The following LRRTM4 variants were observed in gnomAD, a reference collection of about 807,000 sequenced individuals.
The protein encoded by LRRTM4 is leucine-rich repeat transmembrane neuronal protein 4.
LRRTM4 carries 25 observed loss-of-function variants against 47.6 expected under a neutral mutation model. The observed-to-expected ratio is 0.53, with a 90% CI of 0.38 to 0.73. The LOEUF (loss-of-function observed/expected upper bound fraction) is 0.73. LRRTM4 is among the 30% of genes least tolerant of loss of function. The pLI, the probability that LRRTM4 is intolerant of heterozygous loss-of-function variation, is 0.00. For synonymous variants in LRRTM4, 311 were observed against 269.5 expected (o/e 1.15, Z -1.51); for missense variants, 638 against 713.4 (o/e 0.89, Z 1.20).
Position 77,019,845 on chromosome 2 carries a change from T to C in LRRTM4, c.1552-270929A>G, listed in dbSNP as rs1678204299. On this transcript the variant is annotated intron_variant, in intron 3 of 3. Transcript: ENST00000409884. ...AAACATGTAGCACTGGCTTTAGTACTGGGTAATGGGAAAAGGTTAGAAAAA... is the reference window on the plus strand; with the variant it reads ...AAACATGTAGCACTGGCTTTAGTACCGGGTAATGGGAAAAGGTTAGAAAAA... Among the ~76,000 whole-genome samples the C allele has an allele frequency of 1.3e-5, 2 of 152,048 alleles. 1 individual carries two copies. The highest frequency in any genetic ancestry group is 4.1e-4 in the South Asian group (2 of 4,826).
intron 3 of LRRTM4, among the ~76,000 whole-genome samples, chr2:77,085,511 A>T (rs967322418): frequency 1.3e-5 from 2 of 151,822 alleles, no homozygotes; most frequent in Non-Finnish European, 2.9e-5. Context: ...ATAGTTTCCT[A>T]TTCTCTTTAA....
At chr2:77,009,224 C>G (rs1677777965) in intron 3 of LRRTM4, 1 of 152,054 alleles carries the variant, frequency 6.6e-6, no homozygotes, top group African/African-American at 2.4e-5. Flanking sequence ...AATGTCAGAT[C>G]CAGTGAATTT....
At chr2:76,834,199 C>T (rs1311501371) in intron 3 of LRRTM4, among the ~76,000 whole-genome samples, 7 of 138,118 alleles carry the variant, frequency 5.1e-5, no homozygotes, top group Admixed American at 7.7e-5. Flanking sequence ...CGCCAGCATG[C>T]CAAGCTAATT....
chr2:77,145,270 A>G (rs935456186), intron 3 of LRRTM4, among the ~76,000 whole-genome samples: 1 of 151,640 alleles, frequency 6.6e-6, no homozygotes, highest in African/African-American at 2.4e-5. Context: ...ATATATACAC[A>G]TATACATAGA....
chr2:77,231,256 C>T lies in LRRTM4; in HGVS notation c.1551+287062G>A, dbSNP rs143802432. Among the ~76,000 whole-genome samples, 373 of 151,810 alleles carry T rather than the reference C, an allele frequency of 2.5e-3. 4 individuals are homozygous for T. The highest frequency in any genetic ancestry group is 7.7e-4 in the Non-Finnish European group (52 of 67,876). On this transcript the variant is annotated intron_variant, in intron 3 of 3. Transcript: ENST00000409884. Reference sequence around the variant, plus strand: ...ACACAGATGCACACACACACAGATGCACACACCACAAAGACCAGATAGGCA... The same window carrying T: ...ACACAGATGCACACACACACAGATGTACACACCACAAAGACCAGATAGGCA...
At chr2:76,933,792 T>A (rs996731675) in intron 3 of LRRTM4, among the ~76,000 whole-genome samples, 3 of 152,076 alleles carry the variant, frequency 2.0e-5, no homozygotes, top group African/African-American at 7.2e-5. Context: ...ATCAATGAAT[T>A]ATCCTTGCTG....
chr2:76,885,241 T>A (rs1308011507), intron 3 of LRRTM4, among the ~76,000 whole-genome samples: 4 of 152,098 alleles, frequency 2.6e-5, no homozygotes, highest in Non-Finnish European at 5.9e-5. Flanking sequence ...TTAAAAACTA[T>A]TTGAATGGTG....
chr2:76,879,358 C>G (rs1445924631), intron 3 of LRRTM4, among the ~76,000 whole-genome samples: 1 of 152,168 alleles, frequency 6.6e-6, no homozygotes, highest in Non-Finnish European at 1.5e-5. Context: ...TGCTCATTTA[C>G]CATTCCTAAA....
intron 3 of LRRTM4, among the ~76,000 whole-genome samples, chr2:77,006,368 G>C (rs1218385787): frequency 6.6e-6 from 1 of 152,126 alleles, no homozygotes; most frequent in Non-Finnish European, 1.5e-5. Flanking sequence ...ACATACTAAA[G>C]AGATGTTCCC....
intron 3 of LRRTM4, among the ~76,000 whole-genome samples, chr2:77,087,232 T>C (rs1028482929): frequency 6.6e-5 from 10 of 152,202 alleles, no homozygotes; most frequent in African/African-American, 2.2e-4. Context: ...AGCTGAATTC[T>C]GAAAGGCCTA....
At chr2:76,934,725 G>T (rs142906854) in intron 3 of LRRTM4, among the ~76,000 whole-genome samples, 2,554 of 152,172 alleles carry the variant, frequency 0.017, 32 homozygotes, top group Non-Finnish European at 0.025. Context: ...TACTCCCATT[G>T]GAAAACATAG....
chr2:77,022,284 TACA>T (rs1678302163), intron 3 of LRRTM4, among the ~76,000 whole-genome samples: 2 of 152,154 alleles, frequency 1.3e-5, no homozygotes, highest in South Asian at 4.1e-4. Context: ...AGGTCCCTCC[TACA>T]ACATGTGGGA....
chr2:77,192,902 A>G (rs982382922), intron 3 of LRRTM4, among the ~76,000 whole-genome samples: 1 of 152,142 alleles, frequency 6.6e-6, no homozygotes, highest in Non-Finnish European at 1.5e-5. Flanking sequence ...TGGAAAAGAG[A>G]AGTCTTCTGA....
rs1165362334 is a variant in LRRTM4 at position 76,889,297 on chromosome 2, TTTGA to T, written c.1552-140385_1552-140382del. Among the ~76,000 whole-genome samples the T allele has an allele frequency of 4.6e-5, 7 of 152,068 alleles. No individual in the cohort carries two copies. In the East Asian group the frequency reaches 1.2e-3, roughly 25 times the overall value. On this transcript the variant is annotated intron_variant, in intron 3 of 3. Coordinates refer to ENST00000409884, the MANE Select transcript of LRRTM4 (RefSeq NM_001134745.3). ...CACAAATCTCTAAACTAGAGGCAGC[TTTGA>T]TTGAGAAGCCAGATATTGATTGTGA...
chr2:76,794,922 A>AATTT (rs1675187812), intron 3 of LRRTM4, among the ~76,000 whole-genome samples: 2 of 151,866 alleles, frequency 1.3e-5, no homozygotes, highest in Admixed American at 1.3e-4. Context: ...TTAAATGCTA[A>AATTT]ATTTAAACAA....
intron 3 of LRRTM4, among the ~76,000 whole-genome samples, chr2:77,125,118 T>C (rs992433371): frequency 1.3e-5 from 2 of 152,200 alleles, no homozygotes; most frequent in South Asian, 4.1e-4. Flanking sequence ...AGTGCCAACA[T>C]GGATAGACTG....
intron 3 of LRRTM4, among the ~76,000 whole-genome samples, chr2:77,277,852 C>T (rs1676403370): frequency 6.6e-6 from 1 of 152,018 alleles, no homozygotes; most frequent in Non-Finnish European, 1.5e-5. Flanking sequence ...CTCTGTATGG[C>T]ACACAAAAGA....
At chr2:76,775,605 G>A (rs924377860) in intron 3 of LRRTM4, among the ~76,000 whole-genome samples, 9 of 152,066 alleles carry the variant, frequency 5.9e-5, no homozygotes, top group Non-Finnish European at 8.8e-5. Context: ...GGCAGCTGGT[G>A]TTTATCTTTT....
intron 3 of LRRTM4, among the ~76,000 whole-genome samples, chr2:77,398,121 T>A (rs1467153551): frequency 6.6e-6 from 1 of 151,922 alleles, no homozygotes; most frequent in African/African-American, 2.4e-5. Context: ...TCTCTCTCTG[T>A]ATAATTATTC....
Sources: allele counts gnomAD v4.1 joint callset (sites outside exome capture counted in the v4.1 genomes callset), GRCh38; gene constraint gnomAD v4.1.1; transcripts MANE v1.5; gene names NCBI Gene and HGNC (gene_info 2026-07-23, HGNC 2026-07-21).